EHBP1: variants seen among roughly 807,000 people sequenced by gnomAD.
EHBP1 encodes EH domain-binding protein 1.
In EHBP1, 55 loss-of-function variants were observed where a neutral mutation model predicts 144.0. That is an observed-to-expected ratio of 0.38 (90% confidence interval 0.31 to 0.48). EHBP1 has a LOEUF of 0.48. Ranked by LOEUF, EHBP1 falls within the 20% of genes least tolerant of loss-of-function variation. EHBP1 has a pLI of 0.98. For synonymous variants in EHBP1, 469 were observed against 472.7 expected (o/e 0.99, Z 0.10); for missense variants, 1,200 against 1,364.2 (o/e 0.88, Z 1.90).
chr2:62,948,555 T>C lies in EHBP1; in HGVS notation c.1709T>C (p.Val570Ala). The change falls in exon 13 of 23, where the codon GTA (valine) becomes GCA (alanine). Residue 570 changes from valine (V) to alanine (A), a missense_variant. Around this residue, in one of 6 missense-constraint regions of EHBP1, gnomAD observed 543 missense variants for 513.1 expected, o/e 1.06. Coordinates refer to ENST00000431489, the MANE Select transcript of EHBP1 (RefSeq NM_001142616.3). ...CTACAACAGCCTATCAGCGGAGCAGTAGACTTCTTATCACAGGATGACTCT... is the reference window on the plus strand; with the variant it reads ...CTACAACAGCCTATCAGCGGAGCAGCAGACTTCTTATCACAGGATGACTCT... ...PELQQPISGAVDFLSQDDSVF... is the reference protein window; with the variant it reads ...PELQQPISGAADFLSQDDSVF... The C allele has an allele frequency of 6.2e-7, 1 of 1,614,098 alleles. No individual in the cohort carries two copies. The highest frequency in any genetic ancestry group is 8.5e-7 in the Non-Finnish European group (1 of 1,179,986).
intron 21 of EHBP1, among the ~76,000 whole-genome samples, chr2:63,042,573 A>G (rs184814035): frequency 3.2e-4 from 48 of 152,184 alleles, no homozygotes; most frequent in African/African-American, 1.1e-3. Flanking sequence ...TGAAATGATG[A>G]AAATTACCTA....
intron 10 of EHBP1, among the ~76,000 whole-genome samples, chr2:62,885,464 C>A (rs2051845395): frequency 6.6e-6 from 1 of 152,030 alleles, no homozygotes; most frequent in African/African-American, 2.4e-5. Context: ...ATGTAACCAT[C>A]CAGTAAAATA....
At chr2:62,799,959 A>G (rs1485952398) in intron 5 of EHBP1, among the ~76,000 whole-genome samples, 2 of 152,216 alleles carry the variant, frequency 1.3e-5, no homozygotes, top group Non-Finnish European at 2.9e-5. Context: ...CATTCAAAGT[A>G]TATTGACCAC....
chr2:62,935,235 A>T (rs915266692), intron 10 of EHBP1, among the ~76,000 whole-genome samples: 5 of 151,368 alleles, frequency 3.3e-5, no homozygotes, highest in African/African-American at 1.2e-4. Context: ...AGGCTGAGGC[A>T]GGAGAATCCG....
intron 7 of EHBP1, among the ~76,000 whole-genome samples, chr2:62,841,923 A>G (rs1210621139): frequency 6.6e-6 from 1 of 152,086 alleles, no homozygotes; most frequent in African/African-American, 2.4e-5. Context: ...AATCAACAGA[A>G]ATTTATTGCA....
At chr2:62,862,470 C>A (rs569544562) in intron 8 of EHBP1, among the ~76,000 whole-genome samples, 1 of 152,012 alleles carries the variant, frequency 6.6e-6, no homozygotes, top group East Asian at 1.9e-4. Flanking sequence ...ATTAGCCAGG[C>A]GTGATGGCGG....
Position 62,746,141 on chromosome 2 carries a change from T to A in EHBP1, c.105-1254T>A, listed in dbSNP as rs549420743. 4.6e-5 allele frequency among the ~76,000 whole-genome samples: 7 copies of A among 152,202 alleles called. No homozygotes were observed. The East Asian group carries it at 9.6e-4, about 21-fold the overall frequency. ...ACATTTGTTGGCTACTGTTCTCCTC[T>A]TGTTAACTTGCCATCATAGATCATA... is the stretch of plus-strand genomic sequence containing the variant. On this transcript the variant is annotated intron_variant, in intron 2 of 22. Coordinates refer to ENST00000431489, the MANE Select transcript of EHBP1 (RefSeq NM_001142616.3).
chr2:62,956,453 C>T (rs549284567), intron 14 of EHBP1, among the ~76,000 whole-genome samples: 5 of 152,190 alleles, frequency 3.3e-5, no homozygotes, highest in African/African-American at 7.2e-5. Flanking sequence ...ATGTGTTTCA[C>T]GTTTACCCAA....
intron 2 of EHBP1, 58 bp from the exon 3 acceptor site, chr2:62,747,337 A>T: frequency 6.5e-7 from 1 of 1,540,374 alleles, no homozygotes; most frequent in Non-Finnish European, 8.9e-7. Context: ...TAAAGGCGCT[A>T]AAATGAAACT....
At chr2:62,762,307 G>T (rs779835089) in intron 3 of EHBP1, among the ~76,000 whole-genome samples, 1 of 152,064 alleles carries the variant, frequency 6.6e-6, no homozygotes, top group Non-Finnish European at 1.5e-5. Context: ...GTTTTTCTCC[G>T]AGACTTAGTC....
chr2:62,954,225 C>G (rs1286120090), intron 13 of EHBP1, among the ~76,000 whole-genome samples: 1 of 152,078 alleles, frequency 6.6e-6, no homozygotes, highest in Non-Finnish European at 1.5e-5. Flanking sequence ...CTGACCTGCT[C>G]AATGTTACAT....
chr2:62,833,312 T>C (rs146832892), intron 7 of EHBP1, among the ~76,000 whole-genome samples: 3 of 152,324 alleles, frequency 2.0e-5, no homozygotes, highest in African/African-American at 4.8e-5. Flanking sequence ...AATGCTAATA[T>C]AGAAGCCACA....
intron 19 of EHBP1, among the ~76,000 whole-genome samples, chr2:63,020,511 AAAAG>A (rs1235355297): frequency 1.3e-3 from 192 of 150,582 alleles, no homozygotes; most frequent in Middle Eastern, 0.01. Flanking sequence ...TCAAAAAAAA[AAAAG>A]AAAGAAAAAA....
intron 4 of EHBP1, among the ~76,000 whole-genome samples, chr2:62,766,696 T>C (rs72807574): frequency 0.16 from 23,963 of 152,146 alleles, 2,064 homozygotes; most frequent in Middle Eastern, 0.2. Context: ...GGAAATCTTA[T>C]ATAATCCCAC....
chr2:62,910,931 C>G (rs1476425193), intron 10 of EHBP1, among the ~76,000 whole-genome samples: 1 of 152,192 alleles, frequency 6.6e-6, no homozygotes, highest in East Asian at 1.9e-4. Context: ...ACGTTTAAAT[C>G]AAAACTCAGA....
intron 5 of EHBP1, among the ~76,000 whole-genome samples, chr2:62,780,133 G>C (rs1196846265): frequency 6.6e-6 from 1 of 151,704 alleles, no homozygotes; most frequent in Non-Finnish European, 1.5e-5. Context: ...GACCTGTTAG[G>C]CTGCACATTC....
chr2:62,746,501 A>T (rs113085703), intron 2 of EHBP1, among the ~76,000 whole-genome samples: 4 of 152,232 alleles, frequency 2.6e-5, no homozygotes, highest in African/African-American at 9.6e-5. Context: ...GGTCAACAAG[A>T]TGAGTATGAC....
In EHBP1 at chr2:63,045,560, AAGTC is replaced by A; in HGVS notation, c.*63_*66del. 2.2e-6 allele frequency: 3 copies of A among 1,368,180 alleles called. No homozygotes were observed. The highest frequency in any genetic ancestry group is 2.4e-5 in the East Asian group (1 of 41,630). 84.8% of individuals were successfully genotyped at this position (1,368,180 alleles called of 1,614,324 possible). ...AGAGTCTTGCTTCCCAAACCAGAAA[AAGTC>A]AGACTCATTGTTGATTTAAAACTTT... On this transcript the variant is annotated 3_prime_UTR_variant, in exon 23 of 23. Coordinates refer to ENST00000431489, the MANE Select transcript of EHBP1 (RefSeq NM_001142616.3). This position sits in a 1 kb window ranked among gnomAD's most constrained non-coding sequence, Gnocchi z 5.7.
At chr2:62,735,824 C>G (rs916117561) in intron 2 of EHBP1, among the ~76,000 whole-genome samples, 1 of 151,938 alleles carries the variant, frequency 6.6e-6, no homozygotes, top group African/African-American at 2.4e-5. Context: ...TTTTTTCTCT[C>G]AACACTAAAG....
Sources: allele counts gnomAD v4.1 joint callset (sites outside exome capture counted in the v4.1 genomes callset), GRCh38; gene constraint gnomAD v4.1.1; regional missense constraint gnomAD v4.1.1; non-coding constraint Gnocchi (gnomAD v3.1); transcripts MANE v1.5; gene names NCBI Gene and HGNC (gene_info 2026-07-23, HGNC 2026-07-21).